RHOJ: variants seen among roughly 807,000 people sequenced by gnomAD.
The protein encoded by RHOJ is ras homolog family member J.
A neutral mutation model predicts 23.4 loss-of-function variants in RHOJ; 11 were observed. The observed-to-expected ratio is 0.47, with a 90% CI of 0.30 to 0.78. The LOEUF (loss-of-function observed/expected upper bound fraction) is 0.78. RHOJ is among the 30% of genes least tolerant of loss of function. The pLI is 0.08. For synonymous variants in RHOJ, 102 were observed against 102.7 expected, an observed-to-expected ratio of 0.99 and a Z score of 0.04; for missense variants, 254 against 273.4, an observed-to-expected ratio of 0.93 and a Z score of 0.50.
intron 1 of RHOJ, among the ~76,000 whole-genome samples, chr14:63,222,033 C>T (rs1452145045): frequency 7.1e-6 from 1 of 140,966 alleles, no homozygotes. Flanking sequence ...TCCAAGCGTT[C>T]TCATTGTTCA....
chr14:63,228,578 A>C (rs1264461484), intron 1 of RHOJ, among the ~76,000 whole-genome samples: 4 of 152,192 alleles, frequency 2.6e-5, no homozygotes, highest in Non-Finnish European at 4.4e-5. Flanking sequence ...TTGTATGTGA[A>C]AAAAAGTCAA....
At position 63,215,254 on chromosome 14, in the gene RHOJ, A is replaced by C. The variant is rs960859818; in HGVS notation, c.178+10207A>C. On this transcript the variant is annotated intron_variant, in intron 1 of 4. Transcript: ENST00000316754. The stretch of plus-strand genomic sequence containing the variant: ...AAGAAAGATGCATAAATCTGGGGAG[A>C]GACAGATCTTTTGTAACCAGAACTC... 7.3e-5 allele frequency among the ~76,000 whole-genome samples: 11 copies of C among 151,400 alleles called. 1 individual carries two copies. The South Asian group carries it at 1.0e-3, about 14-fold the overall frequency.
intron 1 of RHOJ, among the ~76,000 whole-genome samples, chr14:63,228,088 A>T (rs1894626990): frequency 6.6e-6 from 1 of 152,232 alleles, no homozygotes. Context: ...GAAAGGCCAT[A>T]GATTCTATTG....
At chr14:63,225,433 C>T (rs1484534962) in intron 1 of RHOJ, among the ~76,000 whole-genome samples, 1 of 152,154 alleles carries the variant, frequency 6.6e-6, no homozygotes, top group Non-Finnish European at 1.5e-5. Flanking sequence ...GAAAATCTTT[C>T]ATTTTTCAAG....
intron 1 of RHOJ, among the ~76,000 whole-genome samples, chr14:63,256,705 C>T (rs546984408): frequency 1.3e-3 from 200 of 152,232 alleles, no homozygotes; most frequent in Admixed American, 1.8e-3. Flanking sequence ...TTTGGCAGGC[C>T]GAGGCAGGCA....
chr14:63,211,754 C>T (rs953811217), intron 1 of RHOJ, among the ~76,000 whole-genome samples: 1 of 152,138 alleles, frequency 6.6e-6, no homozygotes, highest in Non-Finnish European at 1.5e-5. Context: ...AAAGCCAACC[C>T]TTCTTTATCA....
chr14:63,253,346 A>G (rs564871807), intron 1 of RHOJ, among the ~76,000 whole-genome samples: 2 of 152,254 alleles, frequency 1.3e-5, no homozygotes, highest in South Asian at 4.1e-4. Flanking sequence ...ATAGCTCACT[A>G]TAACGTCAAA....
In RHOJ at chr14:63,248,961, T is replaced by C. The variant is rs146727995; in HGVS notation, c.179-20149T>C. Among the ~76,000 whole-genome samples, 11 of 152,324 alleles carry C rather than the reference T, an allele frequency of 7.2e-5. No homozygotes were observed. In the East Asian group the frequency reaches 2.1e-3, roughly 29 times the overall value. ...TCCACCCTCACTCAAAGAAAGGACC[T>C]AGACTTGAGTATTGTTGGTCCCAAT... is the stretch of plus-strand genomic sequence containing the variant. On this transcript the variant is annotated intron_variant, in intron 1 of 4. Coordinates refer to ENST00000316754, the MANE Select transcript of RHOJ (RefSeq NM_020663.5).
chr14:63,266,808 G>T (rs1895375717), intron 1 of RHOJ, among the ~76,000 whole-genome samples: 1 of 152,184 alleles, frequency 6.6e-6, no homozygotes, highest in South Asian at 2.1e-4. Flanking sequence ...TTTTGGCAGA[G>T]TCTTTATGGT....
At chr14:63,273,719 C>T (rs960957272) in intron 2 of RHOJ, among the ~76,000 whole-genome samples, 2 of 152,214 alleles carry the variant, frequency 1.3e-5, no homozygotes, top group African/African-American at 4.8e-5. Flanking sequence ...TGGGCAAAGC[C>T]CTATTCAGAT....
intron 4 of RHOJ, among the ~76,000 whole-genome samples, chr14:63,284,057 T>TGA (rs774392022): frequency 3.3e-5 from 5 of 152,190 alleles, no homozygotes; most frequent in Non-Finnish European, 5.9e-5. Flanking sequence ...GTTTGGAAAT[T>TGA]TTCAATCTTA....
At chr14:63,205,157 G>T (rs980089152) in intron 1 of RHOJ, 110 bp downstream of exon 1, 9 of 1,180,078 alleles carry the variant, frequency 7.6e-6, no homozygotes, top group Non-Finnish European at 9.5e-6. Context: ...GTGCGGGCCT[G>T]GCAGTAACCA....
chr14:63,288,440 G>C (rs147511295), intron 4 of RHOJ: 1 of 614,808 alleles, frequency 1.6e-6, no homozygotes, highest in East Asian at 1.4e-4. Context: ...GTATTTTCCA[G>C]ACAAGTGCCA....
At chr14:63,242,827 C>A (rs1275661754) in intron 1 of RHOJ, among the ~76,000 whole-genome samples, 1 of 152,010 alleles carries the variant, frequency 6.6e-6, no homozygotes, top group South Asian at 2.1e-4. Flanking sequence ...ATGTTAAGGA[C>A]GGTAGTTCAA....
chr14:63,262,895 T>C (rs1463586389), intron 1 of RHOJ, among the ~76,000 whole-genome samples: 1 of 152,238 alleles, frequency 6.6e-6, no homozygotes, highest in Non-Finnish European at 1.5e-5. Flanking sequence ...AGAAAATGAC[T>C]AGTAATTCAC....
chr14:63,278,467 T>G (rs980440017), intron 2 of RHOJ, among the ~76,000 whole-genome samples: 1 of 152,158 alleles, frequency 6.6e-6, no homozygotes, highest in Non-Finnish European at 1.5e-5. Context: ...GGGATACATG[T>G]GCAGAACGTG....
chr14:63,274,333 T>C (rs184830820), intron 2 of RHOJ, among the ~76,000 whole-genome samples: 2 of 152,134 alleles, frequency 1.3e-5, no homozygotes, highest in Admixed American at 6.5e-5. Context: ...TTTTCAGGAG[T>C]AGGCAATTTG....
At chr14:63,252,853 C>T (rs58576344) in intron 1 of RHOJ, among the ~76,000 whole-genome samples, 17,366 of 152,110 alleles carry the variant, frequency 0.11, 1,275 homozygotes, top group African/African-American at 0.19. Flanking sequence ...CCTCAAGCAA[C>T]CCTCCCACTT....
chr14:63,269,555 T>C (rs1895428935), intron 2 of RHOJ, among the ~76,000 whole-genome samples: 1 of 152,172 alleles, frequency 6.6e-6, no homozygotes, highest in African/African-American at 2.4e-5. Flanking sequence ...GCCCACGCTT[T>C]ATTTGAATTG....
Sources: gnomAD v4.1 joint callset for allele counts (sites outside exome capture counted in the v4.1 genomes callset) on GRCh38, gnomAD v4.1.1 for gene constraint, MANE v1.5 for transcripts, NCBI Gene and HGNC (gene_info 2026-07-23, HGNC 2026-07-21) for gene names.